COL24A1: variants seen among roughly 807,000 people sequenced by gnomAD.
The protein encoded by COL24A1 is collagen type XXIV alpha 1 chain, also known as collagen alpha-1(XXIV) chain.
COL24A1 carries 224 observed loss-of-function variants against 253.9 expected under a neutral mutation model. The ratio of observed to expected loss-of-function variants is 0.88; its 90% CI spans 0.79 to 0.99. The LOEUF is 0.99. Among genes scored for constraint, COL24A1 ranks in the 50% least tolerant of loss-of-function variants. The probability of loss-of-function intolerance (pLI) is 0.00; values close to 1 mark genes in which losing one functional copy is unlikely to be tolerated. For synonymous variants in COL24A1, 685 were observed against 673.7 expected, an observed-to-expected ratio of 1.02 and a Z score of -0.26; for missense variants, 2,131 against 2,068.5, an observed-to-expected ratio of 1.03 and a Z score of -0.59.
intron 45 of COL24A1, among the ~76,000 whole-genome samples, chr1:85,820,022 AT>A (rs1189534303): frequency 6.6e-6 from 1 of 151,914 alleles, no homozygotes; most frequent in Non-Finnish European, 1.5e-5. Flanking sequence ...TAATCTTTGT[AT>A]TTTTAGTAGA....
intron 5 of COL24A1, among the ~76,000 whole-genome samples, chr1:86,100,648 G>A (rs1472468870): frequency 2.0e-5 from 3 of 152,046 alleles, no homozygotes; most frequent in Admixed American, 6.6e-5. Context: ...TCAGCATTGG[G>A]GTCTGGTCAC....
At chr1:85,771,779 T>TTTATTTATTTA (rs1294238366) in intron 53 of COL24A1, among the ~76,000 whole-genome samples, 1 of 7,878 alleles carries the variant, frequency 1.3e-4, no homozygotes, top group African/African-American at 2.4e-4. Context: ...GCCTGACTTT[T>TTTATTTATTTA]TTATTTATTT....
At chr1:86,146,618 G>A (rs1651916514) in intron 1 of COL24A1, among the ~76,000 whole-genome samples, 3 of 151,758 alleles carry the variant, frequency 2.0e-5, no homozygotes, top group Admixed American at 2.0e-4. Flanking sequence ...GCAAATTACA[G>A]TTGCTTAACT....
intron 24 of COL24A1, among the ~76,000 whole-genome samples, chr1:85,945,000 G>GCTTTTT (rs1689125102): frequency 2.8e-5 from 1 of 36,124 alleles, no homozygotes; most frequent in Non-Finnish European, 5.1e-5. Context: ...GTCTATCATT[G>GCTTTTT]TGTTTTTTTT....
At chr1:86,063,842 A>G in intron 7 of COL24A1, 83 bp from the exon 8 acceptor site, 1 of 915,160 alleles carries the variant, frequency 1.1e-6, no homozygotes, top group Non-Finnish European at 1.5e-6. Flanking sequence ...AAGTTGCCTT[A>G]TATCCCAACT....
intron 47 of COL24A1, among the ~76,000 whole-genome samples, chr1:85,808,054 T>C (rs1458773485): frequency 6.6e-6 from 1 of 152,180 alleles, no homozygotes; most frequent in Non-Finnish European, 1.5e-5. Flanking sequence ...TTCCTAACTA[T>C]AAAGGCTACT....
chr1:86,044,257 CAG>C (rs1478859847), intron 12 of COL24A1, among the ~76,000 whole-genome samples: 1 of 151,994 alleles, frequency 6.6e-6, no homozygotes. Flanking sequence ...TTATAATAAA[CAG>C]AAAGAATAAG....
chr1:85,960,887 A>C lies in COL24A1; in HGVS notation c.2562+362T>G, dbSNP rs200511853. On this transcript the variant is annotated intron_variant, in intron 24 of 59. Coordinates refer to ENST00000370571, the MANE Select transcript of COL24A1 (RefSeq NM_152890.7). ...TGACAGAGCAAGACTCCATCTCAAT[A>C]AATAAATAAATAAATAAATAAATAA... The C allele has an allele frequency of 4.9e-5, 4 of 81,110 alleles. No individual in the cohort carries two copies. In the East Asian group the frequency reaches 1.1e-3, roughly 23 times the overall value. 5.0% of individuals were successfully genotyped at this position (81,110 alleles called of 1,614,324 possible). A position where few individuals can be genotyped will look rare whatever the true frequency, so the allele number is the denominator to read the frequency against.
At chr1:86,092,369 A>T (rs1703563258) in intron 5 of COL24A1, 49 bp from the exon 6 acceptor site, 1 of 1,323,440 alleles carries the variant, frequency 7.6e-7, no homozygotes, top group African/African-American at 1.5e-5. Context: ...GTTGCATATA[A>T]TGTGTCATAT....
chr1:85,831,810 T>A (rs991540863), intron 43 of COL24A1, among the ~76,000 whole-genome samples: 2 of 152,034 alleles, frequency 1.3e-5, no homozygotes, highest in African/African-American at 4.8e-5. Context: ...AGAAAATGGA[T>A]CTGAGAGGGC....
intron 12 of COL24A1, among the ~76,000 whole-genome samples, chr1:86,042,388 A>C (rs1042924378): frequency 3.3e-5 from 5 of 152,164 alleles, no homozygotes; most frequent in Non-Finnish European, 7.4e-5. Flanking sequence ...GAAGTGTGTT[A>C]CAAATATCAA....
At chr1:86,099,751 T>G (rs892636445) in intron 5 of COL24A1, among the ~76,000 whole-genome samples, 2 of 152,074 alleles carry the variant, frequency 1.3e-5, no homozygotes, top group Non-Finnish European at 2.9e-5. Flanking sequence ...TGGCATGGAC[T>G]AGGGATGACT....
chr1:85,830,654 C>T (rs979692504), intron 43 of COL24A1, among the ~76,000 whole-genome samples: 9 of 152,238 alleles, frequency 5.9e-5, no homozygotes, highest in Middle Eastern at 3.4e-3. Flanking sequence ...GTCGGAAAAG[C>T]GCAGTATTCG....
At chr1:85,779,031 G>T (rs752935874) in intron 52 of COL24A1, among the ~76,000 whole-genome samples, 1 of 150,446 alleles carries the variant, frequency 6.6e-6, no homozygotes, top group African/African-American at 2.4e-5. Context: ...AAAGAGATGG[G>T]GTCTCACTCT....
chr1:85,892,223 G>A (rs1027937843), intron 31 of COL24A1, among the ~76,000 whole-genome samples: 2 of 151,918 alleles, frequency 1.3e-5, no homozygotes, highest in Non-Finnish European at 2.9e-5. Flanking sequence ...TACATTATAT[G>A]CAAGGGATTA....
chr1:86,059,050 C>G, intron 9 of COL24A1, 71 bp downstream of exon 9: 1 of 943,538 alleles, frequency 1.1e-6, no homozygotes, highest in South Asian at 2.2e-5. Context: ...AACATTAATT[C>G]TCAAAATCAG....
intron 12 of COL24A1, among the ~76,000 whole-genome samples, chr1:86,041,239 T>A (rs916701297): frequency 6.6e-6 from 1 of 152,202 alleles, no homozygotes. Flanking sequence ...TTTTGCTCTT[T>A]GTCAAACTTT....
chr1:86,031,663 T>C (rs1470251334), intron 14 of COL24A1, among the ~76,000 whole-genome samples: 1 of 152,148 alleles, frequency 6.6e-6, no homozygotes, highest in Non-Finnish European at 1.5e-5. Context: ...AAATATATCA[T>C]TATTTTTTCT....
chr1:86,151,371 A>G (rs1158804205), intron 1 of COL24A1, among the ~76,000 whole-genome samples: 1 of 152,174 alleles, frequency 6.6e-6, no homozygotes, highest in East Asian at 1.9e-4. Flanking sequence ...ATAGAGTTAT[A>G]GTTACTCAGA....
Sources: gnomAD v4.1 joint callset for allele counts (sites outside exome capture counted in the v4.1 genomes callset) on GRCh38, gnomAD v4.1.1 for gene constraint, MANE v1.5 for transcripts, NCBI Gene and HGNC (gene_info 2026-07-23, HGNC 2026-07-21) for gene names.